Variants in CHN2 observed in about 807,000 individuals in gnomAD.
The protein encoded by CHN2 is chimerin 2.
In CHN2, 35 loss-of-function variants were observed where a neutral mutation model predicts 56.3. The observed-to-expected ratio is 0.62, with a 90% confidence interval of 0.47 to 0.82. The LOEUF is 0.82. Among genes scored for constraint, CHN2 ranks in the 40% least tolerant of loss-of-function variants. CHN2 has a pLI of 0.00. For synonymous variants in CHN2, 210 were observed against 212.8 expected (o/e 0.99, Z 0.12); for missense variants, 491 against 580.5 (o/e 0.85, Z 1.58).
chr7:29,205,816 T>C (rs1001818189), intron 1 of CHN2, among the ~76,000 whole-genome samples: 4 of 152,098 alleles, frequency 2.6e-5, no homozygotes, highest in African/African-American at 9.7e-5. Context: ...TTCTTTATTA[T>C]GTAAAAAAAA....
intron 1 of CHN2, among the ~76,000 whole-genome samples, chr7:29,265,539 C>G (rs1230032349): frequency 1.3e-5 from 2 of 152,154 alleles, no homozygotes; most frequent in Admixed American, 6.5e-5. Flanking sequence ...AATAGGGACT[C>G]CTGGAGTGAA....
intron 1 of CHN2, among the ~76,000 whole-genome samples, chr7:29,252,584 T>TTTTTTTTGTTTTG (rs1554378160): frequency 4.5e-5 from 1 of 22,428 alleles, no homozygotes; most frequent in Non-Finnish European, 7.3e-5. Context: ...CTTTGTTTTT[T>TTTTTTTTGTTTTG]TTTTTTTTTT....
At chr7:29,330,446 G>A (rs1373552526) in intron 1 of CHN2, among the ~76,000 whole-genome samples, 3 of 152,112 alleles carry the variant, frequency 2.0e-5, no homozygotes, top group African/African-American at 7.2e-5. Flanking sequence ...AGAGTCCCCC[G>A]CTTAGATGGT....
chr7:29,458,375 G>A (rs1213136219), intron 6 of CHN2, among the ~76,000 whole-genome samples: 1 of 73,036 alleles, frequency 1.4e-5, no homozygotes, highest in Non-Finnish European at 2.6e-5. Flanking sequence ...GAGCATAGCT[G>A]TGCACACACA....
intron 2 of CHN2, among the ~76,000 whole-genome samples, chr7:29,364,109 C>G (rs1453592898): frequency 1.3e-5 from 2 of 152,200 alleles, no homozygotes; most frequent in Non-Finnish European, 2.9e-5. Flanking sequence ...TGCACTGTTT[C>G]CTCATCCCTA....
At chr7:29,298,735 G>A (rs1469305774) in intron 1 of CHN2, among the ~76,000 whole-genome samples, 6 of 152,160 alleles carry the variant, frequency 3.9e-5, no homozygotes, top group Non-Finnish European at 7.3e-5. Context: ...GAGATTGCTG[G>A]TTGGTTTACA....
At chr7:29,382,914 A>G (rs1183543112) in intron 3 of CHN2, among the ~76,000 whole-genome samples, 1 of 152,166 alleles carries the variant, frequency 6.6e-6, no homozygotes, top group Non-Finnish European at 1.5e-5. Flanking sequence ...GAAACTACAG[A>G]AGCTATGTAT....
intron 1 of CHN2, among the ~76,000 whole-genome samples, chr7:29,291,884 G>C (rs1792659138): frequency 6.6e-6 from 1 of 152,164 alleles, no homozygotes; most frequent in African/African-American, 2.4e-5. Flanking sequence ...CACTAAACCT[G>C]AGATAGGGAA....
intron 4 of CHN2, 82 bp from the exon 5 acceptor site, chr7:29,398,291 C>T (rs1585260851): frequency 1.9e-6 from 2 of 1,072,798 alleles, no homozygotes; most frequent in East Asian, 4.8e-5. Context: ...TGGGTGCCCC[C>T]ACCATCCTTT....
At position 29,411,640 on chromosome 7, in the gene CHN2, T is replaced by G. The variant is rs1473317181; in HGVS notation, c.576+10812T>G. Among the ~76,000 whole-genome samples, 3 of 152,270 alleles carry G rather than the reference T, an allele frequency of 2.0e-5. No homozygotes were observed. The South Asian group carries it at 6.2e-4, about 32-fold the overall frequency. ...AGGGGAAGACAACAGACTTTTACCGTGAGTTCCAGGAGCCAGGCCTTTCAC... is the reference window on the plus strand; with the variant it reads ...AGGGGAAGACAACAGACTTTTACCGGGAGTTCCAGGAGCCAGGCCTTTCAC... On this transcript the variant is annotated intron_variant, in intron 6 of 12. Coordinates refer to ENST00000222792, the MANE Select transcript of CHN2 (RefSeq NM_004067.4).
chr7:29,471,675 C>T (rs780290845), intron 6 of CHN2, among the ~76,000 whole-genome samples: 3 of 152,078 alleles, frequency 2.0e-5, no homozygotes, highest in African/African-American at 4.8e-5. Flanking sequence ...GGAGAATAAT[C>T]GGCGTGGCAG....
At chr7:29,264,473 A>T (rs1159327154) in intron 1 of CHN2, among the ~76,000 whole-genome samples, 1 of 152,228 alleles carries the variant, frequency 6.6e-6, no homozygotes, top group Non-Finnish European at 1.5e-5. Context: ...ACTAGGAAAA[A>T]TTCTTCTGCC....
chr7:29,503,871 T>C (rs1310077286), intron 9 of CHN2, among the ~76,000 whole-genome samples: 1 of 152,200 alleles, frequency 6.6e-6, no homozygotes, highest in Non-Finnish European at 1.5e-5. Flanking sequence ...ACATACAAAG[T>C]CTGAAACCCA....
At chr7:29,152,891 C>T (rs1339182006) in intron 2 of CHN2, among the ~76,000 whole-genome samples, 2 of 152,212 alleles carry the variant, frequency 1.3e-5, no homozygotes, top group Non-Finnish European at 2.9e-5. Context: ...TAACAAGGAC[C>T]TCAGAATTCT....
intron 2 of CHN2, among the ~76,000 whole-genome samples, chr7:29,157,222 A>G (rs1380269399): frequency 6.6e-6 from 1 of 152,118 alleles, no homozygotes; most frequent in Non-Finnish European, 1.5e-5. Context: ...CACACCTCTG[A>G]GTGGGGAGGA....
intron 6 of CHN2, among the ~76,000 whole-genome samples, chr7:29,450,040 G>A (rs1784295811): frequency 6.6e-6 from 1 of 152,186 alleles, no homozygotes; most frequent in Non-Finnish European, 1.5e-5. Context: ...ATGTGGTACA[G>A]GTTTAAGAAA....
chr7:29,238,233 A>G, intron 1 of CHN2, among the ~76,000 whole-genome samples: 1 of 151,882 alleles, frequency 6.6e-6, no homozygotes, highest in Middle Eastern at 3.4e-3. Context: ...TTAGCCAGGA[A>G]GGTCTTGATC....
intron 1 of CHN2, among the ~76,000 whole-genome samples, chr7:29,238,728 G>A (rs1280537016): frequency 6.6e-6 from 1 of 152,186 alleles, no homozygotes; most frequent in Non-Finnish European, 1.5e-5. Context: ...CCCAAGGTGG[G>A]GACTTTTAGC....
intron 1 of CHN2, among the ~76,000 whole-genome samples, chr7:29,247,132 C>T (rs1314358677): frequency 3.3e-5 from 5 of 152,062 alleles, no homozygotes; most frequent in South Asian, 2.1e-4. Context: ...GATGGGATTT[C>T]ATCAGGCTGA....
Sources: gnomAD v4.1 joint callset for allele counts (sites outside exome capture counted in the v4.1 genomes callset) on GRCh38, gnomAD v4.1.1 for gene constraint, MANE v1.5 for transcripts, NCBI Gene and HGNC (gene_info 2026-07-23, HGNC 2026-07-21) for gene names.